The following DENND1B variants were observed in gnomAD, a reference collection of about 807,000 sequenced individuals.
The protein encoded by DENND1B is DENN domain-containing protein 1B.
Under a neutral mutation model 90.1 loss-of-function variants are expected in DENND1B, and 59 were observed. That is an observed-to-expected ratio of 0.65 (90% CI 0.53 to 0.81). DENND1B has a LOEUF of 0.81. Ranked by LOEUF, DENND1B falls within the 40% of genes least tolerant of loss-of-function variation. DENND1B has a pLI of 0.00. For synonymous variants in DENND1B, 337 were observed against 324.6 expected, an observed-to-expected ratio of 1.04 and a Z score of -0.41; for missense variants, 862 against 912.6, an observed-to-expected ratio of 0.94 and a Z score of 0.71.
At chr1:197,557,703 A>G (rs1296822975) in intron 15 of DENND1B, among the ~76,000 whole-genome samples, 1 of 151,980 alleles carries the variant, frequency 6.6e-6, no homozygotes, top group African/African-American at 2.4e-5. Context: ...GAATAAACTG[A>G]AAAGCGTTAT....
intron 20 of DENND1B, among the ~76,000 whole-genome samples, chr1:197,517,555 G>A (rs1469705351): frequency 3.9e-5 from 6 of 151,942 alleles, no homozygotes; most frequent in Middle Eastern, 6.8e-3. Context: ...TCAAAAATAC[G>A]TAGTAACTGC....
chr1:197,620,437 C>G (rs751275413), intron 10 of DENND1B, among the ~76,000 whole-genome samples: 1 of 151,246 alleles, frequency 6.6e-6, no homozygotes, highest in Non-Finnish European at 1.5e-5. Flanking sequence ...AATAAGAACT[C>G]TATGCTAGAT....
chr1:197,739,227 T>C (rs1662993890), intron 2 of DENND1B, among the ~76,000 whole-genome samples: 1 of 152,140 alleles, frequency 6.6e-6, no homozygotes. Context: ...ACCTTAGCAG[T>C]GGGACAAAAT....
At chr1:197,768,347 A>G (rs981326575) in intron 2 of DENND1B, among the ~76,000 whole-genome samples, 54 of 152,302 alleles carry the variant, frequency 3.5e-4, no homozygotes, top group African/African-American at 1.3e-3. Context: ...CTAGAGTACC[A>G]AGGCCACTTC....
intron 5 of DENND1B, among the ~76,000 whole-genome samples, chr1:197,662,249 T>A (rs1654480230): frequency 6.6e-6 from 1 of 152,100 alleles, no homozygotes; most frequent in African/African-American, 2.4e-5. Flanking sequence ...TACGTCCATC[T>A]AGGGGTTGAG....
intron 15 of DENND1B, among the ~76,000 whole-genome samples, chr1:197,581,275 A>C (rs1674213644): frequency 6.6e-6 from 1 of 152,178 alleles, no homozygotes; most frequent in Non-Finnish European, 1.5e-5. Context: ...CTTTTTTAAG[A>C]ATCATGAGCA....
chr1:197,700,651 A>C (rs1658931971), intron 3 of DENND1B, among the ~76,000 whole-genome samples: 1 of 152,226 alleles, frequency 6.6e-6, no homozygotes, highest in Admixed American at 6.5e-5. Context: ...CAGAATGAAC[A>C]GGCAACCTAC....
In DENND1B at chr1:197,666,995, G is replaced by A. The variant is rs557372615; in HGVS notation, c.296+5042C>T. On this transcript the variant is annotated intron_variant, in intron 5 of 22. Coordinates refer to ENST00000620048, the MANE Select transcript of DENND1B (RefSeq NM_001195215.2). ...CCAAAAATACAAAAATTAGCTGGGC[G>A]TGGTGGCGCAGGTCTGTATTCCCAG... is the stretch of plus-strand genomic sequence containing the variant. Among the ~76,000 whole-genome samples, 20 of 152,166 alleles carry A rather than the reference G, an allele frequency of 1.3e-4. 1 individual carries two copies. The East Asian group carries it at 3.5e-3, about 27-fold the overall frequency.
chr1:197,662,649 T>C (rs571859257), intron 5 of DENND1B, among the ~76,000 whole-genome samples: 8 of 152,214 alleles, frequency 5.3e-5, no homozygotes, highest in African/African-American at 1.4e-4. Context: ...ACATGTGCCA[T>C]GTTGGTGTGC....
At chr1:197,724,643 G>T (rs947883244) in intron 2 of DENND1B, among the ~76,000 whole-genome samples, 4 of 151,988 alleles carry the variant, frequency 2.6e-5, no homozygotes, top group African/African-American at 9.7e-5. Flanking sequence ...CAGACACAAA[G>T]AATGGAATTA....
chr1:197,722,516 T>C (rs1443061269), intron 2 of DENND1B, among the ~76,000 whole-genome samples: 1 of 152,140 alleles, frequency 6.6e-6, no homozygotes, highest in African/African-American at 2.4e-5. Context: ...TAGGAAGACA[T>C]TCTCACCAAG....
intron 2 of DENND1B, among the ~76,000 whole-genome samples, chr1:197,753,825 ATCCCG>A (rs1192591600): frequency 1.3e-5 from 2 of 151,924 alleles, no homozygotes; most frequent in African/African-American, 4.8e-5. Context: ...ACATGGTGAA[ATCCCG>A]TCTCTACTAA....
At chr1:197,641,314 G>C (rs768211710) in intron 10 of DENND1B, among the ~76,000 whole-genome samples, 4 of 151,920 alleles carry the variant, frequency 2.6e-5, no homozygotes, top group Non-Finnish European at 5.9e-5. Context: ...GGAGGAGCTG[G>C]GGAGAAAGAA....
At chr1:197,694,580 T>C (rs1343687598) in intron 3 of DENND1B, among the ~76,000 whole-genome samples, 6 of 151,456 alleles carry the variant, frequency 4.0e-5, no homozygotes, top group Non-Finnish European at 8.9e-5. Context: ...ATTTCTCCAC[T>C]CTATTTCTCT....
At position 197,511,088 on chromosome 1, in the gene DENND1B, G is replaced by A. The variant is rs1422536971; in HGVS notation, c.1816-116C>T. The stretch of plus-strand genomic sequence containing the variant: ...TTAAGTTCCTCCCAGAGAAAATACA[G>A]CATTGAGAGTCAATTTTAAACATTT... On this transcript the variant is annotated intron_variant, in intron 22 of 22. Transcript: ENST00000620048. 6.6e-6 allele frequency: 7 copies of A among 1,064,412 alleles called. No homozygotes were observed. The Admixed American group carries it at 2.5e-4, about 39-fold the overall frequency. The allele number at this position is 1,064,412 out of a possible 1,614,324, so 65.9% of individuals were successfully genotyped here.
chr1:197,659,282 A>T (rs994748068), intron 5 of DENND1B, among the ~76,000 whole-genome samples: 1 of 151,774 alleles, frequency 6.6e-6, no homozygotes, highest in Non-Finnish European at 1.5e-5. Flanking sequence ...GTAGAACGTA[A>T]AAAAAGAATT....
intron 15 of DENND1B, among the ~76,000 whole-genome samples, chr1:197,573,735 T>A (rs1287226890): frequency 6.6e-6 from 1 of 152,094 alleles, no homozygotes; most frequent in African/African-American, 2.4e-5. Context: ...CAGCAGCACA[T>A]CAAAAAGCTT....
intron 3 of DENND1B, among the ~76,000 whole-genome samples, chr1:197,690,799 A>G (rs989869742): frequency 2.0e-5 from 3 of 151,984 alleles, no homozygotes; most frequent in Non-Finnish European, 2.9e-5. Flanking sequence ...TTTATGGAAC[A>G]TTTTTGGGTT....
chr1:197,637,139 C>A (rs1219509013), intron 10 of DENND1B, among the ~76,000 whole-genome samples: 1 of 151,972 alleles, frequency 6.6e-6, no homozygotes, highest in East Asian at 1.9e-4. Context: ...ACATTATTTT[C>A]TTTTATTTAA....
Sources: allele counts gnomAD v4.1 joint callset (sites outside exome capture counted in the v4.1 genomes callset), GRCh38; gene constraint gnomAD v4.1.1; transcripts MANE v1.5; gene names NCBI Gene and HGNC (gene_info 2026-07-23, HGNC 2026-07-21).